The following ADCY5 variants were observed in gnomAD, a reference collection of about 807,000 sequenced individuals.
ADCY5 encodes the protein adenylate cyclase 5, also known as adenylate cyclase type 5.
A neutral mutation model predicts 119.7 loss-of-function variants in ADCY5; 30 were observed. The observed-to-expected ratio is 0.25, with a 90% confidence interval of 0.19 to 0.34. The LOEUF (loss-of-function observed/expected upper bound fraction) is 0.34. ADCY5 is among the 10% of genes least tolerant of loss of function. The pLI, the probability that ADCY5 is intolerant of heterozygous loss-of-function variation, is 1.00. For missense variants in ADCY5, 1,324 were observed against 1,775.2 expected (o/e 0.75, Z 4.57); for synonymous variants, 753 against 762.2 (o/e 0.99, Z 0.20).
At chr3:123,375,886 T>G (rs1018453126) in intron 1 of ADCY5, among the ~76,000 whole-genome samples, 3 of 152,074 alleles carry the variant, frequency 2.0e-5, no homozygotes, top group Admixed American at 6.5e-5. Flanking sequence ...TAGTGATTCT[T>G]AGGTACGCAC....
intron 12 of ADCY5, among the ~76,000 whole-genome samples, chr3:123,311,037 GA>G (rs938775050): frequency 5.3e-5 from 8 of 152,208 alleles, no homozygotes; most frequent in African/African-American, 1.9e-4. Context: ...TTCTCTCTTC[GA>G]AAAGGTTAAA....
chr3:123,326,605 C>T (rs1318357843), intron 7 of ADCY5, among the ~76,000 whole-genome samples: 1 of 152,174 alleles, frequency 6.6e-6, no homozygotes, highest in African/African-American at 2.4e-5. Context: ...TTCATTGATA[C>T]TATGGCCAAG....
At chr3:123,399,069 G>A (rs72966544) in intron 1 of ADCY5, among the ~76,000 whole-genome samples, 6,383 of 152,220 alleles carry the variant, frequency 0.042, 432 homozygotes, top group African/African-American at 0.15. Context: ...CTTCAGCCCC[G>A]CACTGGCTTC....
intron 1 of ADCY5, among the ~76,000 whole-genome samples, chr3:123,405,013 C>A (rs1024149368): frequency 1.3e-5 from 2 of 152,256 alleles, no homozygotes; most frequent in Admixed American, 1.3e-4. Context: ...AAACCTGCCC[C>A]CCTTGTTTCA....
rs1279947296 is a variant in ADCY5, at chr3:123,352,870, G to A, written c.1135-289C>T. Among the ~76,000 whole-genome samples, 6 of 152,162 alleles carry A rather than the reference G, an allele frequency of 3.9e-5. No individual in the cohort carries two copies. The highest frequency in any genetic ancestry group is 8.8e-5 in the Non-Finnish European group (6 of 68,026). ...TGCCTATAGTACCAGAAATTAAAAG[G>A]CTACATGTACTGTGACAGAGCTGTG... is the stretch of plus-strand genomic sequence containing the variant. On this transcript the variant is annotated intron_variant, in intron 1 of 20. Transcript: ENST00000462833. This position sits in a 1 kb window ranked among gnomAD's most constrained non-coding sequence, Gnocchi z 4.8.
intron 20 of ADCY5, among the ~76,000 whole-genome samples, chr3:123,285,480 T>G (rs1017313321): frequency 1.3e-4 from 20 of 152,200 alleles, no homozygotes; most frequent in African/African-American, 4.8e-4. Context: ...CAGTGGCTCC[T>G]GGGATGACCC....
At chr3:123,392,482 T>C (rs1944424828) in intron 1 of ADCY5, among the ~76,000 whole-genome samples, 1 of 133,892 alleles carries the variant, frequency 7.5e-6, no homozygotes, top group South Asian at 3.0e-4. Flanking sequence ...CACGGGGTTA[T>C]CATAAACCGC....
At position 123,448,709 on chromosome 3, in the gene ADCY5, A is replaced by AT. The variant is rs1945876641; in HGVS notation, c.-165_-164insA. On this transcript the variant is annotated 5_prime_UTR_variant, in exon 1 of 21. Transcript: ENST00000462833. ...GGGGCATCTTGGCACCCCCGTCCTGAGCGGAGGAGGAGGGCACAGCCCCGA... is the reference window on the plus strand; with the variant it reads ...GGGGCATCTTGGCACCCCCGTCCTGATGCGGAGGAGGAGGGCACAGCCCCGA... The AT allele has an allele frequency of 1.9e-6, 1 of 537,456 alleles. No homozygotes were observed. The highest frequency in any genetic ancestry group is 2.8e-6 in the Non-Finnish European group (1 of 353,928). 33.3% of individuals were successfully genotyped at this position (537,456 alleles called of 1,614,324 possible).
chr3:123,348,742 C>T (rs542779261), intron 2 of ADCY5, among the ~76,000 whole-genome samples: 3 of 152,160 alleles, frequency 2.0e-5, no homozygotes, highest in Admixed American at 2.0e-4. Context: ...TCTTTCTGAG[C>T]TCCTCTCCCG....
chr3:123,348,908 T>TC (rs1382427104), intron 2 of ADCY5, among the ~76,000 whole-genome samples: 2 of 152,094 alleles, frequency 1.3e-5, no homozygotes, highest in South Asian at 2.1e-4. Context: ...AGAGTCACCC[T>TC]CCCACATGGT....
chr3:123,383,626 G>C (rs1944108505), intron 1 of ADCY5, among the ~76,000 whole-genome samples: 1 of 152,182 alleles, frequency 6.6e-6, no homozygotes, highest in Admixed American at 6.5e-5. Context: ...CCCGCCCACG[G>C]GGCTAATTTT....
chr3:123,407,765 C>CAAAAAAAAAAAAA (rs753730627), intron 1 of ADCY5, among the ~76,000 whole-genome samples: 4 of 65,868 alleles, frequency 6.1e-5, no homozygotes, highest in East Asian at 6.1e-4. Context: ...GACCCTGTCT[C>CAAAAAAAAAAAAA]AAAAAAAAAA....
intron 18 of ADCY5, 21 bp downstream of exon 18, chr3:123,291,092 G>A: frequency 6.3e-7 from 1 of 1,598,482 alleles, no homozygotes; most frequent in Non-Finnish European, 8.5e-7. Context: ...AACACAGCCT[G>A]ACCCAGGCCC....
intron 3 of ADCY5, among the ~76,000 whole-genome samples, chr3:123,345,872 T>C (rs1202052580): frequency 6.6e-6 from 1 of 152,006 alleles, no homozygotes; most frequent in African/African-American, 2.4e-5. Context: ...CCTTCCCAGA[T>C]TCCTTGGACA....
At chr3:123,383,704 G>GA (rs35809254) in intron 1 of ADCY5, among the ~76,000 whole-genome samples, 72,006 of 151,912 alleles carry the variant, frequency 0.47, 17,823 homozygotes, top group East Asian at 0.68. Context: ...CTCAGCTAGG[G>GA]GGTTTAAACT....
intron 1 of ADCY5, among the ~76,000 whole-genome samples, chr3:123,371,230 G>A (rs1943629695): frequency 6.6e-6 from 1 of 152,238 alleles, no homozygotes. Flanking sequence ...TTTCCCCTGT[G>A]TGGTGGTGAC....
rs1330386112 is a variant in ADCY5 at position 123,297,339 on chromosome 3, G to A, written c.2930+14C>T. ...AGGGCAGGGAGCGACCCTATCCGAG[G>A]AGCATCAACTCACCACTGGGAGGTC... On this transcript the variant is annotated intron_variant, in intron 16 of 20. Coordinates refer to ENST00000462833, the MANE Select transcript of ADCY5 (RefSeq NM_183357.3). 1.2e-6 allele frequency: 2 copies of A among 1,613,536 alleles called. No homozygotes were observed. Among genetic ancestry groups the A allele is most frequent in the East Asian group, 2.2e-5 (1 of 44,890 alleles).
chr3:123,397,291 GT>G (rs1367451113), intron 1 of ADCY5, among the ~76,000 whole-genome samples: 1 of 152,154 alleles, frequency 6.6e-6, no homozygotes, highest in Non-Finnish European at 1.5e-5. Context: ...AGTCCTGCCT[GT>G]GCTCAAAGAC....
At chr3:123,404,273 G>GAA (rs1377968646) in intron 1 of ADCY5, 1 of 152,202 alleles carries the variant, frequency 6.6e-6, no homozygotes, top group Non-Finnish European at 1.5e-5. Flanking sequence ...CGAGTGCTGA[G>GAA]AACATAAGAC....
Sources: gnomAD v4.1 joint callset for allele counts (sites outside exome capture counted in the v4.1 genomes callset) on GRCh38, gnomAD v4.1.1 for gene constraint, Gnocchi (gnomAD v3.1) non-coding constraint, MANE v1.5 for transcripts, NCBI Gene and HGNC (gene_info 2026-07-23, HGNC 2026-07-21) for gene names.